Variants in TMEM132C observed in about 807,000 individuals in gnomAD.
The protein encoded by TMEM132C is protein phosphatase 1, regulatory subunit 152.
A neutral mutation model predicts 61.4 loss-of-function variants in TMEM132C; 29 were observed. That is an observed-to-expected ratio of 0.47 (90% confidence interval 0.35 to 0.64). The LOEUF (loss-of-function observed/expected upper bound fraction) is 0.64. Among genes scored for constraint, TMEM132C ranks in the 30% least tolerant of loss-of-function variants. The probability of loss-of-function intolerance (pLI) is 0.00; values close to 1 mark genes in which losing one functional copy is unlikely to be tolerated. For synonymous variants in TMEM132C, 656 were observed against 633.1 expected (o/e 1.04, Z -0.54); for missense variants, 1,408 against 1,476.9 (o/e 0.95, Z 0.76).
At chr12:128,352,296 A>G (rs994916350) in intron 1 of TMEM132C, among the ~76,000 whole-genome samples, 8 of 152,178 alleles carry the variant, frequency 5.3e-5, no homozygotes, top group African/African-American at 1.7e-4. Flanking sequence ...GGCGGCAGGA[A>G]GGAGAAGTGT....
intron 3 of TMEM132C, among the ~76,000 whole-genome samples, chr12:128,576,728 G>A (rs1875111257): frequency 6.6e-6 from 1 of 152,208 alleles, no homozygotes; most frequent in South Asian, 2.1e-4. Context: ...CCTAAGGGGT[G>A]GCAGAGTTTT....
At chr12:128,524,642 G>T (rs1202537217) in intron 2 of TMEM132C, among the ~76,000 whole-genome samples, 1 of 152,184 alleles carries the variant, frequency 6.6e-6, no homozygotes, top group African/African-American at 2.4e-5. Flanking sequence ...ACCGTGAGAA[G>T]CTTGCGGTGA....
chr12:128,559,114 C>A (rs113188704), intron 3 of TMEM132C, among the ~76,000 whole-genome samples: 1 of 150,814 alleles, frequency 6.6e-6, no homozygotes, highest in South Asian at 2.1e-4. Flanking sequence ...CACACACACA[C>A]AAACACACAC....
intron 2 of TMEM132C, chr12:128,437,793 T>C (rs939064713): frequency 6.6e-6 from 1 of 152,218 alleles, no homozygotes; most frequent in Non-Finnish European, 1.5e-5. Flanking sequence ...GAGTAGAAAC[T>C]CTCAGAGAGG....
At chr12:128,562,267 G>A (rs1237192168) in intron 3 of TMEM132C, among the ~76,000 whole-genome samples, 2 of 152,126 alleles carry the variant, frequency 1.3e-5, no homozygotes, top group Non-Finnish European at 2.9e-5. Flanking sequence ...TTTAAAAGCG[G>A]TACGAAAAGA....
At chr12:128,491,566 T>C (rs1415985315) in intron 2 of TMEM132C, among the ~76,000 whole-genome samples, 1 of 152,190 alleles carries the variant, frequency 6.6e-6, no homozygotes, top group African/African-American at 2.4e-5. Context: ...CGAGAAACTT[T>C]TTAAAACCAC....
chr12:128,528,715 T>C (rs576265283), intron 2 of TMEM132C, among the ~76,000 whole-genome samples: 63 of 152,254 alleles, frequency 4.1e-4, no homozygotes, highest in African/African-American at 1.4e-3. Flanking sequence ...CTCTTACTCA[T>C]GATAACCAAA....
intron 1 of TMEM132C, among the ~76,000 whole-genome samples, chr12:128,336,676 CT>C (rs1299177218): frequency 6.6e-6 from 1 of 152,168 alleles, no homozygotes; most frequent in African/African-American, 2.4e-5. Flanking sequence ...CTGTCTGTCC[CT>C]AAGCTGAGGT....
At chr12:128,486,876 AACACACACACACACACACACACACAC>A (rs56407388) in intron 2 of TMEM132C, among the ~76,000 whole-genome samples, 1 of 131,136 alleles carries the variant, frequency 7.6e-6, no homozygotes, top group Non-Finnish European at 1.7e-5. Flanking sequence ...TGTGCATGCA[AACACACACACACACACACACACACAC>A]ACACACACAC....
Position 128,698,729 on chromosome 12 carries a change from C to T in TMEM132C, c.2121+1314C>T, listed in dbSNP as rs527314095. On this transcript the variant is annotated intron_variant, in intron 8 of 8. Coordinates refer to ENST00000435159, the MANE Select transcript of TMEM132C (RefSeq NM_001136103.3). Reference sequence around the variant, plus strand: ...GACAGTCTTGACTCAGAACACTCTGCGTCAAACCCAGTTTCCTCTGGTGAC... The same window carrying T: ...GACAGTCTTGACTCAGAACACTCTGTGTCAAACCCAGTTTCCTCTGGTGAC... 4.6e-5 allele frequency among the ~76,000 whole-genome samples: 7 copies of T among 152,324 alleles called. No individual in the cohort carries two copies. The East Asian group carries it at 7.7e-4, about 17-fold the overall frequency.
chr12:128,447,647 A>G (rs144321707), intron 2 of TMEM132C, among the ~76,000 whole-genome samples: 1 of 150,712 alleles, frequency 6.6e-6, no homozygotes, highest in African/African-American at 2.4e-5. Flanking sequence ...TTTGGCCTTC[A>G]TAAGCGAGTA....
At chr12:128,660,064 G>T (rs979738264) in intron 4 of TMEM132C, among the ~76,000 whole-genome samples, 1 of 152,210 alleles carries the variant, frequency 6.6e-6, no homozygotes, top group Non-Finnish European at 1.5e-5. Flanking sequence ...TCCCTCCAAG[G>T]GTTCAGGGAG....
At chr12:128,500,826 G>T (rs1018992279) in intron 2 of TMEM132C, among the ~76,000 whole-genome samples, 1 of 150,822 alleles carries the variant, frequency 6.6e-6, no homozygotes. Flanking sequence ...TCTACTCCCA[G>T]ATATATATAT....
intron 3 of TMEM132C, among the ~76,000 whole-genome samples, chr12:128,577,761 G>A (rs892019369): frequency 6.6e-6 from 1 of 152,198 alleles, no homozygotes; most frequent in Non-Finnish European, 1.5e-5. Flanking sequence ...ACTCCCCCCA[G>A]GGCCTGGGAT....
intron 3 of TMEM132C, among the ~76,000 whole-genome samples, chr12:128,580,089 C>T (rs1041222301): frequency 2.6e-5 from 4 of 152,134 alleles, no homozygotes; most frequent in African/African-American, 9.7e-5. Context: ...CTGGGTCAGA[C>T]AACGTAATCT....
At position 128,690,683 on chromosome 12, in the gene TMEM132C, A is replaced by G. The variant is rs115122978; in HGVS notation, c.1450-3146A>G. 7.5e-3 allele frequency among the ~76,000 whole-genome samples: 1,142 copies of G among 152,292 alleles called. 10 individuals carry two copies. Among genetic ancestry groups the G allele is most frequent in the African/African-American group, 0.026 (1,091 of 41,564 alleles). ...GGACAGTGTTTACCTGCTAATGACA[A>G]GCCTGGGATGGCAACTAAAATTGCC... On this transcript the variant is annotated intron_variant, in intron 5 of 8. Transcript: ENST00000435159.
At position 128,705,277 on chromosome 12, in the gene TMEM132C, G is replaced by A. The variant is rs758641133; in HGVS notation, c.2309G>A (p.Arg770Gln). The change falls in exon 9 of 9, where the codon CGA becomes CAA. Residue 770 changes from arginine (R) to glutamine (Q), a missense_variant. Physicochemically the swap from Arg to Gln is conservative, Grantham distance 43. Transcript: ENST00000435159. Reference protein sequence around the residue: ...AEGEGQGPLIRVDMTIAEACQ... With the variant: ...AEGEGQGPLIQVDMTIAEACQ... ...GGGGAAGGCCAGGGCCCACTGATCC[G>A]AGTGGACATGACGATCGCCGAGGCC... 5.1e-5 allele frequency: 79 copies of A among 1,551,498 alleles called. No individual in the cohort carries two copies. The Middle Eastern group carries it at 6.7e-4, about 13-fold the overall frequency.
intron 2 of TMEM132C, among the ~76,000 whole-genome samples, chr12:128,480,218 C>T (rs1007970697): frequency 6.6e-6 from 1 of 152,156 alleles, no homozygotes; most frequent in Non-Finnish European, 1.5e-5. Context: ...TACGATTGTG[C>T]CACTGCACTC....
intron 1 of TMEM132C, among the ~76,000 whole-genome samples, chr12:128,393,804 G>A (rs1874847444): frequency 6.6e-6 from 1 of 152,208 alleles, no homozygotes; most frequent in Admixed American, 6.5e-5. Context: ...AGGCAAAAAA[G>A]AAAGGGCGAA....
Sources: allele counts gnomAD v4.1 joint callset (sites outside exome capture counted in the v4.1 genomes callset), GRCh38; gene constraint gnomAD v4.1.1; transcripts MANE v1.5; gene names NCBI Gene and HGNC (gene_info 2026-07-23, HGNC 2026-07-21).